Variants in ZFHX3 observed in about 807,000 individuals in gnomAD.
ZFHX3 encodes zinc finger homeobox protein 3.
ZFHX3 carries 42 observed loss-of-function variants against 279.1 expected under a neutral mutation model. The observed-to-expected ratio is 0.15, with a 90% CI of 0.12 to 0.19. ZFHX3 has a LOEUF of 0.19. Among genes scored for constraint, ZFHX3 ranks in the 10% least tolerant of loss-of-function variants. ZFHX3 has a pLI of 1.00. For synonymous variants in ZFHX3, 2,293 were observed against 1,957.8 expected, an observed-to-expected ratio of 1.17 and a Z score of -4.52; for missense variants, 4,981 against 4,754.0, an observed-to-expected ratio of 1.05 and a Z score of -1.40.
At chr16:72,951,952 A>T (rs1287985398) in intron 2 of ZFHX3, among the ~76,000 whole-genome samples, 1 of 152,244 alleles carries the variant, frequency 6.6e-6, no homozygotes, top group South Asian at 2.1e-4. Context: ...TCTCTAAAGC[A>T]AAGATCTGGG....
chr16:72,832,120 T>C (rs968544551), intron 4 of ZFHX3, among the ~76,000 whole-genome samples: 10 of 152,108 alleles, frequency 6.6e-5, no homozygotes, highest in Non-Finnish European at 1.5e-5. Flanking sequence ...AAGGTGCTGC[T>C]CAGCAGACAT....
At chr16:73,431,792 G>A (rs780848445) in intron 3 of ZFHX3, among the ~76,000 whole-genome samples, 2 of 152,142 alleles carry the variant, frequency 1.3e-5, no homozygotes, top group Non-Finnish European at 2.9e-5. Flanking sequence ...TGGCCCCCAA[G>A]AATCCTCAAA....
intron 1 of ZFHX3, among the ~76,000 whole-genome samples, chr16:73,701,905 G>T (rs544439208): frequency 3.3e-5 from 5 of 152,008 alleles, no homozygotes; most frequent in Admixed American, 3.3e-4. Flanking sequence ...TTAAGTATGT[G>T]GGCGATTTCT....
intron 5 of ZFHX3, among the ~76,000 whole-genome samples, chr16:73,171,083 GA>G (rs1967511052): frequency 6.6e-6 from 1 of 151,994 alleles, no homozygotes; most frequent in African/African-American, 2.4e-5. Context: ...ACCCTCTCTT[GA>G]CTTCAGCAAG....
intron 4 of ZFHX3, among the ~76,000 whole-genome samples, chr16:73,290,947 G>GA (rs34294009): frequency 6.6e-6 from 1 of 152,148 alleles, no homozygotes; most frequent in South Asian, 2.1e-4. Context: ...ATGGCCTTGG[G>GA]AAAAAACATC....
chr16:72,975,896 T>C (rs910525114), intron 1 of ZFHX3, among the ~76,000 whole-genome samples: 1 of 152,226 alleles, frequency 6.6e-6, no homozygotes, highest in African/African-American at 2.4e-5. Context: ...GGATTAATTA[T>C]GCTTGAAAAT....
intron 4 of ZFHX3, among the ~76,000 whole-genome samples, chr16:72,867,119 C>T (rs1421257987): frequency 6.6e-6 from 1 of 152,188 alleles, no homozygotes; most frequent in Non-Finnish European, 1.5e-5. Flanking sequence ...TGTCAAGTCT[C>T]ACTAAGCCAG....
intron 1 of ZFHX3, among the ~76,000 whole-genome samples, chr16:73,047,531 A>C (rs1011822390): frequency 6.6e-6 from 1 of 152,076 alleles, no homozygotes; most frequent in Non-Finnish European, 1.5e-5. Context: ...GGGAGGACAG[A>C]GGGAAGGGAA....
intron 1 of ZFHX3, among the ~76,000 whole-genome samples, chr16:73,684,717 T>G (rs1287131821): frequency 8.7e-6 from 1 of 115,542 alleles, no homozygotes; most frequent in Non-Finnish European, 1.8e-5. Context: ...TTTTTTTTTT[T>G]GGAGATGGAG....
chr16:73,257,106 A>G (rs1334024711), exon 5 of ZFHX3: 2 of 152,214 alleles, frequency 1.3e-5, no homozygotes, highest in Non-Finnish European at 1.5e-5. Context: ...CCTGTTAACA[A>G]GCACAACGTC....
intron 2 of ZFHX3, chr16:73,609,591 C>T (rs1387226216): frequency 6.6e-6 from 1 of 152,026 alleles, no homozygotes; most frequent in Non-Finnish European, 1.5e-5. Context: ...GGATTTTACC[C>T]TCAGCCACTG....
chr16:73,109,944 A>G lies in ZFHX3; in HGVS notation c.-896-16346T>C, dbSNP rs577202780. Among the ~76,000 whole-genome samples, 9 of 152,350 alleles carry G rather than the reference A, an allele frequency of 5.9e-5. No individual in the cohort carries two copies. In the East Asian group the frequency reaches 1.5e-3, roughly 26 times the overall value. ...TAAACAAAACTAATGATACGACATT[A>G]AAGAGTTTCATTTGGGCGGGGCGCA... On this transcript the variant is annotated intron_variant, in intron 7 of 17. Transcript: ENST00000641206.
intron 1 of ZFHX3, among the ~76,000 whole-genome samples, chr16:73,714,719 G>A (rs971556137): frequency 3.9e-5 from 6 of 152,112 alleles, no homozygotes; most frequent in African/African-American, 1.2e-4. Context: ...TGAAGACTAC[G>A]ATTATTTTTG....
intron 7 of ZFHX3, among the ~76,000 whole-genome samples, chr16:73,101,016 T>A (rs1037396262): frequency 3.3e-5 from 5 of 152,202 alleles, no homozygotes; most frequent in African/African-American, 1.2e-4. Context: ...ATGTCCTTGC[T>A]CTGGTGCTTC....
chr16:72,906,624 C>T (rs906605533), intron 3 of ZFHX3, among the ~76,000 whole-genome samples: 1 of 152,084 alleles, frequency 6.6e-6, no homozygotes, highest in Non-Finnish European at 1.5e-5. Flanking sequence ...TGGTAAAACC[C>T]TGTTTCTACA....
chr16:73,190,418 C>A (rs945974929), intron 5 of ZFHX3, among the ~76,000 whole-genome samples: 8 of 152,134 alleles, frequency 5.3e-5, no homozygotes, highest in Admixed American at 1.3e-4. Context: ...TTTGAGCTCA[C>A]ACATAGATTG....
chr16:73,451,050 T>A (rs2018274461), intron 3 of ZFHX3, among the ~76,000 whole-genome samples: 2 of 151,970 alleles, frequency 1.3e-5, no homozygotes. Flanking sequence ...AGTACATGGG[T>A]CATGCTCTGT....
chr16:72,913,032 G>T (rs1013639419), intron 3 of ZFHX3, among the ~76,000 whole-genome samples: 1 of 152,160 alleles, frequency 6.6e-6, no homozygotes, highest in Admixed American at 6.5e-5. Context: ...CCTAATTAAA[G>T]ATTTGTAAAA....
rs143890924 is a variant in ZFHX3, at chr16:73,742,525, T to A, written c.-1607-62285A>T. ...TCCAGGGCAAATATTCCAAATTGCA[T>A]CATTTTGATCCTTTAGTGACACATA... On this transcript the variant is annotated intron_variant, in intron 1 of 17. Coordinates refer to the ZFHX3 transcript ENST00000641206. Among the ~76,000 whole-genome samples the A allele has an allele frequency of 8.4e-3, 1,281 of 152,312 alleles. 12 individuals carry two copies. The highest frequency in any genetic ancestry group is 0.016 in the South Asian group (76 of 4,828).
Sources: gnomAD v4.1 joint callset for allele counts (sites outside exome capture counted in the v4.1 genomes callset) on GRCh38, gnomAD v4.1.1 for gene constraint, MANE v1.5 for transcripts, NCBI Gene and HGNC (gene_info 2026-07-23, HGNC 2026-07-21) for gene names.